The following VEPH1 variants were observed in gnomAD, a reference collection of about 807,000 sequenced individuals.
VEPH1 encodes ventricular zone-expressed PH domain-containing protein homolog 1.
Under a neutral mutation model 85.2 loss-of-function variants are expected in VEPH1, and 80 were observed. The ratio of observed to expected loss-of-function variants is 0.94; its 90% CI spans 0.78 to 1.13. The LOEUF is 1.13. Among genes scored for constraint, VEPH1 ranks in the 50% most tolerant of loss-of-function variants. The probability of loss-of-function intolerance (pLI) is 0.00; values close to 1 mark genes in which losing one functional copy is unlikely to be tolerated. For synonymous variants in VEPH1, 297 were observed against 348.0 expected (o/e 0.85, Z 1.63); for missense variants, 955 against 980.5 (o/e 0.97, Z 0.35).
At chr3:157,416,800 A>G (rs1731946044) in intron 5 of VEPH1, among the ~76,000 whole-genome samples, 1 of 152,090 alleles carries the variant, frequency 6.6e-6, no homozygotes. Context: ...AAATAAAGAA[A>G]GAGAGAAAGG....
intron 9 of VEPH1, among the ~76,000 whole-genome samples, chr3:157,344,558 C>T (rs999024159): frequency 2.0e-5 from 3 of 152,210 alleles, no homozygotes; most frequent in African/African-American, 7.2e-5. Context: ...ATTCCATGCT[C>T]ATGGATAGGA....
At chr3:157,359,448 T>C (rs527695314) in intron 9 of VEPH1, among the ~76,000 whole-genome samples, 1 of 152,242 alleles carries the variant, frequency 6.6e-6, no homozygotes, top group East Asian at 1.9e-4. Flanking sequence ...ACTAGAGACC[T>C]ACAAGGCTCA....
At chr3:157,334,189 A>G (rs760365957) in intron 9 of VEPH1, among the ~76,000 whole-genome samples, 4 of 152,182 alleles carry the variant, frequency 2.6e-5, no homozygotes, top group Non-Finnish European at 5.9e-5. Flanking sequence ...TGTTGACTTC[A>G]TGATCATGTG....
At chr3:157,468,880 C>T (rs1041469773) in intron 3 of VEPH1, among the ~76,000 whole-genome samples, 2 of 151,952 alleles carry the variant, frequency 1.3e-5, no homozygotes, top group African/African-American at 2.4e-5. Flanking sequence ...CACCTTTGTT[C>T]CCCCACTCAC....
chr3:157,294,929 G>A (rs370886091), intron 11 of VEPH1, among the ~76,000 whole-genome samples: 5 of 152,238 alleles, frequency 3.3e-5, no homozygotes, highest in African/African-American at 1.2e-4. Flanking sequence ...TTGTCAAGCT[G>A]GAGACATTAG....
At chr3:157,378,315 T>TAG (rs1728371541) in intron 7 of VEPH1, among the ~76,000 whole-genome samples, 1 of 3,358 alleles carries the variant, frequency 3.0e-4, no homozygotes, top group Non-Finnish European at 5.4e-4. Context: ...GGTATATATA[T>TAG]ATATATATAT....
At chr3:157,376,989 A>G (rs1161759326) in intron 7 of VEPH1, among the ~76,000 whole-genome samples, 1 of 152,204 alleles carries the variant, frequency 6.6e-6, no homozygotes, top group Non-Finnish European at 1.5e-5. Flanking sequence ...GGCAGGTTAA[A>G]ATGACTGAAG....
chr3:157,319,125 G>C (rs1284855283), intron 9 of VEPH1, among the ~76,000 whole-genome samples: 1 of 152,080 alleles, frequency 6.6e-6, no homozygotes, highest in African/African-American at 2.4e-5. Context: ...AATGTGACAG[G>C]GCAAGTTAGA....
chr3:157,313,485 T>A (rs1461667362), intron 11 of VEPH1, 136 bp downstream of exon 11: 1 of 1,075,606 alleles, frequency 9.3e-7, no homozygotes, highest in Non-Finnish European at 1.3e-6. Context: ...AATAATTTCT[T>A]ACAAGTGTTT....
intron 12 of VEPH1, among the ~76,000 whole-genome samples, chr3:157,279,874 A>G (rs56003856): frequency 0.23 from 35,406 of 151,624 alleles, 4,274 homozygotes; most frequent in Non-Finnish European, 0.27. Flanking sequence ...AAATTAGCTG[A>G]GTGTGGTGGC....
rs1726275167 is a variant in VEPH1 at position 157,363,435 on chromosome 3, A to G, written c.1664T>C (p.Leu555Pro). Residue 555 changes from leucine (L) to proline (P), a missense_variant, in exon 9 of 14, where the codon CTC becomes CCC. Physicochemically the swap from Leu to Pro is moderately conservative, Grantham distance 98. Coordinates refer to ENST00000362010, the MANE Select transcript of VEPH1 (RefSeq NM_001167912.2). Reference protein sequence around the residue: ...DKLYLHLKKNLSKVKAYAMEI... With the variant: ...DKLYLHLKKNPSKVKAYAMEI... The stretch of plus-strand genomic sequence containing the variant: ...CATGGCATATGCTTTCACTTTGCTG[A>G]GGTTTTTTTTTAAGTGCAAGTAGAG... The G allele has an allele frequency of 6.2e-7, 1 of 1,613,096 alleles. No homozygotes were observed. The highest frequency in any genetic ancestry group is 1.3e-5 in the African/African-American group (1 of 74,722).
intron 2 of VEPH1, 102 bp downstream of exon 2, chr3:157,495,110 T>G (rs750746565): frequency 1.2e-5 from 14 of 1,211,906 alleles, no homozygotes; most frequent in Non-Finnish European, 1.6e-5. Context: ...TTAGTGGTAT[T>G]TCCTCTTTCC....
At chr3:157,412,066 T>G (rs374499097) in intron 6 of VEPH1, among the ~76,000 whole-genome samples, 2 of 152,172 alleles carry the variant, frequency 1.3e-5, no homozygotes, top group East Asian at 1.9e-4. Context: ...CTCTTCCTCC[T>G]GCTCTGGCCA....
At chr3:157,491,707 T>C (rs1369467340) in intron 2 of VEPH1, among the ~76,000 whole-genome samples, 1 of 152,126 alleles carries the variant, frequency 6.6e-6, no homozygotes, top group Non-Finnish European at 1.5e-5. Flanking sequence ...AATCATGATG[T>C]TTAAAAGACA....
chr3:157,391,773 C>G (rs79226067), intron 6 of VEPH1, among the ~76,000 whole-genome samples: 12,877 of 152,122 alleles, frequency 0.085, 787 homozygotes, highest in African/African-American at 0.17. Flanking sequence ...TGAACATCAC[C>G]AAGGAATGTA....
intron 12 of VEPH1, among the ~76,000 whole-genome samples, chr3:157,278,258 G>T (rs1577219764): frequency 6.6e-6 from 1 of 152,192 alleles, no homozygotes. Flanking sequence ...AATTTGATTT[G>T]TAATAAGAAG....
rs1731716336 is a variant in VEPH1 at position 157,414,036 on chromosome 3, T to C, written c.751A>G (p.Asn251Asp). ...ATGAGGATGTTTAGGATGATGTCAT[T>C]ATGGGTTGAATCCTTCAAATGCCCA... ...LIGHLKDSTH[N>D]DIILNILIEI... Residue 251 changes from asparagine to aspartate, a missense_variant, in exon 6 of 14, where the codon AAT becomes GAT. By Grantham distance (23) the Asn-to-Asp change is conservative. Transcript: ENST00000362010. 6.2e-7 allele frequency: 1 copy of C among 1,613,408 alleles called. No homozygotes were observed.
chr3:157,281,476 A>G lies in VEPH1; in HGVS notation c.2128+5081T>C, dbSNP rs529119124. Among the ~76,000 whole-genome samples, 22 of 152,224 alleles carry G rather than the reference A, an allele frequency of 1.4e-4. No homozygotes were observed. In the East Asian group the frequency reaches 4.2e-3, roughly 29 times the overall value. Reference sequence around the variant, plus strand: ...AGCACGTAGGACAGTGCTCTAACACATGTGGTAGAAGAAAAGACATCATAC... The same window carrying G: ...AGCACGTAGGACAGTGCTCTAACACGTGTGGTAGAAGAAAAGACATCATAC... On this transcript the variant is annotated intron_variant, in intron 12 of 13. Coordinates refer to ENST00000362010, the MANE Select transcript of VEPH1 (RefSeq NM_001167912.2).
In VEPH1 at chr3:157,284,636, T is replaced by G. The variant is rs570939130; in HGVS notation, c.2128+1921A>C. Among the ~76,000 whole-genome samples the G allele has an allele frequency of 4.7e-5, 7 of 148,684 alleles. No homozygotes were observed. In the East Asian group the frequency reaches 1.2e-3, roughly 25 times the overall value. ...AAAAGAAGATGAAATCAACAACCTA[T>G]ATAAACTATCCAGGGAGTCAAGGGT... On this transcript the variant is annotated intron_variant, in intron 12 of 13. Coordinates refer to ENST00000362010, the MANE Select transcript of VEPH1 (RefSeq NM_001167912.2).
Sources: allele counts gnomAD v4.1 joint callset (sites outside exome capture counted in the v4.1 genomes callset), GRCh38; gene constraint gnomAD v4.1.1; transcripts MANE v1.5; gene names NCBI Gene and HGNC (gene_info 2026-07-23, HGNC 2026-07-21).